TMEM117: variants seen among roughly 807,000 people sequenced by gnomAD.
The protein encoded by TMEM117 is transmembrane protein 117.
TMEM117 carries 27 observed loss-of-function variants against 52.4 expected under a neutral mutation model. The ratio of observed to expected loss-of-function variants is 0.51; its 90% CI spans 0.38 to 0.71. The LOEUF (loss-of-function observed/expected upper bound fraction) is 0.71, where lower values mean the gene tolerates loss of function less well. Ranked by LOEUF, TMEM117 falls within the 30% of genes least tolerant of loss-of-function variation. The probability of loss-of-function intolerance (pLI) is 0.00; values close to 1 mark genes in which losing one functional copy is unlikely to be tolerated. For missense variants in TMEM117, 556 were observed against 630.5 expected, an observed-to-expected ratio of 0.88 and a Z score of 1.26; for synonymous variants, 215 against 206.3, an observed-to-expected ratio of 1.04 and a Z score of -0.36.
At chr12:44,045,019 A>G (rs1180520408) in intron 3 of TMEM117, among the ~76,000 whole-genome samples, 12 of 152,164 alleles carry the variant, frequency 7.9e-5, no homozygotes, top group Admixed American at 7.9e-4. Context: ...AACTGTGAAG[A>G]TATTTGCATC....
chr12:44,124,714 T>G (rs1247712951), intron 3 of TMEM117, among the ~76,000 whole-genome samples: 2 of 152,222 alleles, frequency 1.3e-5, no homozygotes, highest in African/African-American at 4.8e-5. Flanking sequence ...TTTATTGATT[T>G]GCATATGTTG....
At chr12:44,259,996 C>T (rs2138536946) in intron 5 of TMEM117, among the ~76,000 whole-genome samples, 1 of 152,224 alleles carries the variant, frequency 6.6e-6, no homozygotes, top group African/African-American at 2.4e-5. Flanking sequence ...TTTAGAACAC[C>T]ATGTGAAACC....
chr12:43,897,795 G>A (rs184751430), intron 2 of TMEM117, among the ~76,000 whole-genome samples: 5 of 151,874 alleles, frequency 3.3e-5, no homozygotes, highest in Admixed American at 1.3e-4. Context: ...TTTTTTTGCA[G>A]AGGTGAGGTG....
intron 3 of TMEM117, among the ~76,000 whole-genome samples, chr12:44,068,896 C>CCTGTATTTACTT (rs756603406): frequency 5.9e-5 from 9 of 152,116 alleles, no homozygotes; most frequent in Admixed American, 2.6e-4. Context: ...ATGAGACATG[C>CCTGTATTTACTT]CTGTATTTAC....
intron 3 of TMEM117, among the ~76,000 whole-genome samples, chr12:44,021,274 C>G (rs1946451437): frequency 6.6e-6 from 1 of 152,100 alleles, no homozygotes; most frequent in South Asian, 2.1e-4. Context: ...CCTCCACCCT[C>G]AAATAGAACC....
chr12:44,300,146 T>C (rs1314663969), intron 6 of TMEM117, among the ~76,000 whole-genome samples: 2 of 152,222 alleles, frequency 1.3e-5, no homozygotes, highest in African/African-American at 4.8e-5. Context: ...CTCAGGGTTT[T>C]ATAGCAGTTG....
intron 5 of TMEM117, among the ~76,000 whole-genome samples, chr12:44,227,937 A>G (rs899420089): frequency 6.6e-6 from 1 of 152,092 alleles, no homozygotes; most frequent in Non-Finnish European, 1.5e-5. Flanking sequence ...CCTTTCCAGA[A>G]CTACTATTTT....
intron 4 of TMEM117, among the ~76,000 whole-genome samples, chr12:44,165,606 A>G (rs1440530004): frequency 6.6e-6 from 1 of 152,240 alleles, no homozygotes; most frequent in Non-Finnish European, 1.5e-5. Context: ...CTTTAAGTCA[A>G]AAACAGTCAA....
At chr12:44,172,880 A>T (rs1949067177) in intron 4 of TMEM117, among the ~76,000 whole-genome samples, 1 of 152,044 alleles carries the variant, frequency 6.6e-6, no homozygotes, top group African/African-American at 2.4e-5. Context: ...GCATGCCACC[A>T]CGCCCGGCTA....
At chr12:43,835,122 T>TGTTA, upstream of TMEM117, among the ~76,000 whole-genome samples, 1 of 152,226 alleles carries the variant, frequency 6.6e-6, no homozygotes, top group South Asian at 2.1e-4. Context: ...GGATAGCAGC[T>TGTTA]GTTAACACGT....
At chr12:44,050,221 G>C (rs555459311) in intron 3 of TMEM117, among the ~76,000 whole-genome samples, 43 of 152,310 alleles carry the variant, frequency 2.8e-4, no homozygotes, top group Middle Eastern at 3.4e-3. Flanking sequence ...CTGTCACCCA[G>C]GCTGGAGTGC....
intron 2 of TMEM117, among the ~76,000 whole-genome samples, chr12:43,853,064 A>G (rs1943338520): frequency 6.6e-6 from 1 of 151,566 alleles, no homozygotes; most frequent in African/African-American, 2.4e-5. Flanking sequence ...CCTTTTCCAA[A>G]CATGTGTTTG....
At chr12:44,228,787 A>C (rs1949896764) in intron 5 of TMEM117, among the ~76,000 whole-genome samples, 1 of 152,186 alleles carries the variant, frequency 6.6e-6, no homozygotes, top group African/African-American at 2.4e-5. Flanking sequence ...TAGGAAGTGA[A>C]AAAGGTGGAG....
At chr12:44,243,308 T>C (rs1950087117) in intron 5 of TMEM117, among the ~76,000 whole-genome samples, 3 of 151,966 alleles carry the variant, frequency 2.0e-5, no homozygotes, top group Admixed American at 1.3e-4. Context: ...AGAACTAATG[T>C]CTTTATAGAA....
chr12:44,185,474 G>A (rs985833885), intron 4 of TMEM117, among the ~76,000 whole-genome samples: 4 of 152,016 alleles, frequency 2.6e-5, no homozygotes, highest in African/African-American at 4.8e-5. Flanking sequence ...TCTATAAAAA[G>A]CAGAACAGAA....
chr12:44,302,937 GT>G lies in TMEM117; in HGVS notation c.768+3199del, dbSNP rs373809850. On this transcript the variant is annotated intron_variant, in intron 6 of 7. Transcript: ENST00000266534. ...AGAAAAATAAAGAAGTAAAATTAGT[GT>G]CACTGAAACACCTGTCCTTATTAGA... Among the ~76,000 whole-genome samples, 39 of 152,232 alleles carry G rather than the reference GT, an allele frequency of 2.6e-4. No homozygotes were observed. The South Asian group carries it at 6.0e-3, about 23-fold the overall frequency.
intron 5 of TMEM117, among the ~76,000 whole-genome samples, chr12:44,235,885 T>G (rs541320868): frequency 6.6e-6 from 1 of 151,950 alleles, no homozygotes; most frequent in East Asian, 1.9e-4. Context: ...GTATTCTAAC[T>G]TGAAATTCTT....
chr12:44,119,554 G>A (rs1374907632), intron 3 of TMEM117, among the ~76,000 whole-genome samples: 1 of 152,104 alleles, frequency 6.6e-6, no homozygotes, highest in Non-Finnish European at 1.5e-5. Flanking sequence ...GATTCTTACA[G>A]TGCTCATGAT....
At chr12:44,171,611 A>G (rs1247961454) in intron 4 of TMEM117, among the ~76,000 whole-genome samples, 1 of 152,132 alleles carries the variant, frequency 6.6e-6, no homozygotes, top group African/African-American at 2.4e-5. Flanking sequence ...CTCCCAAGTT[A>G]TGCTTCTCAG....
Sources: gnomAD v4.1 joint callset for allele counts (sites outside exome capture counted in the v4.1 genomes callset) on GRCh38, gnomAD v4.1.1 for gene constraint, MANE v1.5 for transcripts, NCBI Gene and HGNC (gene_info 2026-07-23, HGNC 2026-07-21) for gene names.